The following ZEB1 variants were observed in gnomAD, a reference collection of about 807,000 sequenced individuals.
The protein encoded by ZEB1 is zinc finger E-box-binding homeobox 1.
Under a neutral mutation model 84.9 loss-of-function variants are expected in ZEB1, and 21 were observed. That is an observed-to-expected ratio of 0.25 (90% CI 0.18 to 0.36). ZEB1 has a LOEUF of 0.36. ZEB1 is among the 10% of genes least tolerant of loss of function. ZEB1 has a pLI of 1.00. For synonymous variants in ZEB1, 420 were observed against 471.1 expected, an observed-to-expected ratio of 0.89 and a Z score of 1.41; for missense variants, 1,104 against 1,330.2, an observed-to-expected ratio of 0.83 and a Z score of 2.65.
intron 1 of ZEB1, among the ~76,000 whole-genome samples, chr10:31,447,001 G>C (rs1479636179): frequency 3.3e-5 from 5 of 151,188 alleles, no homozygotes; most frequent in Admixed American, 3.3e-4. Flanking sequence ...TCTGTCTAAT[G>C]TTGACAGTGG....
chr10:31,458,411 A>G (rs998456315), intron 1 of ZEB1, among the ~76,000 whole-genome samples: 1 of 151,458 alleles, frequency 6.6e-6, no homozygotes, highest in Non-Finnish European at 1.5e-5. Flanking sequence ...AAACTCTTAC[A>G]GTCAGGAAAC....
chr10:31,379,474 C>T (rs1276562765), intron 1 of ZEB1, among the ~76,000 whole-genome samples: 1 of 151,650 alleles, frequency 6.6e-6, no homozygotes, highest in Non-Finnish European at 1.5e-5. Context: ...TATATATACA[C>T]ATATATTCTT....
chr10:31,398,361 T>G (rs1411106072), intron 1 of ZEB1, among the ~76,000 whole-genome samples: 1 of 152,138 alleles, frequency 6.6e-6, no homozygotes, highest in African/African-American at 2.4e-5. Flanking sequence ...ATACTATGAT[T>G]CTAAATTTTG....
intron 1 of ZEB1, among the ~76,000 whole-genome samples, chr10:31,447,163 ATG>A (rs767745949): frequency 1.3e-5 from 2 of 151,964 alleles, no homozygotes; most frequent in Non-Finnish European, 2.9e-5. Context: ...CTTTACCATT[ATG>A]TAATGGCCTT....
intron 1 of ZEB1, among the ~76,000 whole-genome samples, chr10:31,348,525 T>C (rs1213347109): frequency 1.3e-5 from 2 of 151,980 alleles, no homozygotes; most frequent in African/African-American, 4.8e-5. Flanking sequence ...GATTGCACCA[T>C]TGCATTCCAG....
At chr10:31,322,652 T>C (rs1363762392) in intron 1 of ZEB1, among the ~76,000 whole-genome samples, 17 of 152,350 alleles carry the variant, frequency 1.1e-4, no homozygotes, top group Admixed American at 3.3e-4. Flanking sequence ...ATTGCTTGAA[T>C]TAGTTTTTAC....
intron 1 of ZEB1, among the ~76,000 whole-genome samples, chr10:31,396,775 C>G (rs2050805300): frequency 6.6e-6 from 1 of 152,098 alleles, no homozygotes; most frequent in Non-Finnish European, 1.5e-5. Context: ...TTTTAGAAAC[C>G]TGATGTGAAA....
intron 1 of ZEB1, among the ~76,000 whole-genome samples, chr10:31,396,661 T>G (rs1025397615): frequency 4.6e-5 from 7 of 152,134 alleles, no homozygotes; most frequent in East Asian, 1.9e-4. Context: ...TACTGAAAAA[T>G]TCACCAGTCA....
In ZEB1 at chr10:31,426,972, TC is replaced by T. The variant is rs2057014097; in HGVS notation, c.59-34064del. Among the ~76,000 whole-genome samples, 5 of 152,180 alleles carry T rather than the reference TC, an allele frequency of 3.3e-5. No individual in the cohort carries two copies. The South Asian group carries it at 1.0e-3, about 32-fold the overall frequency. On this transcript the variant is annotated intron_variant, in intron 1 of 8. Coordinates refer to ENST00000424869, the MANE Select transcript of ZEB1 (RefSeq NM_001174096.2). Reference sequence around the variant, plus strand: ...GAAGACAGCTTTGTAGGAAAAAATTTCTTCTTAAATCATCTTTTTTATCTAA... The same window carrying T: ...GAAGACAGCTTTGTAGGAAAAAATTTTTCTTAAATCATCTTTTTTATCTAA...
intron 8 of ZEB1, among the ~76,000 whole-genome samples, chr10:31,526,095 C>T (rs1424974173): frequency 6.6e-6 from 1 of 152,150 alleles, no homozygotes; most frequent in East Asian, 1.9e-4. Flanking sequence ...ATTGCCCTCA[C>T]GGGCCAAAAC....
intron 1 of ZEB1, among the ~76,000 whole-genome samples, chr10:31,440,429 G>A (rs1052618176): frequency 2.0e-5 from 3 of 152,184 alleles, no homozygotes; most frequent in Non-Finnish European, 2.9e-5. Context: ...AGCTATTTAT[G>A]ACAAATCCAC....
chr10:31,521,498 C>T lies in ZEB1; in HGVS notation c.2166C>T (p.Tyr722=). 6.2e-7 allele frequency: 1 copy of T among 1,614,094 alleles called. No individual in the cohort carries two copies. The highest frequency in any genetic ancestry group is 1.3e-5 in the African/African-American group (1 of 75,028). ...CCAGAAATACACAGGGTTACTTGTA[C>T]ACAGCTGAGGGTGCACAAGAAGAGC... is the stretch of plus-strand genomic sequence containing the variant. ...SSSRNTQGYL[Y]TAEGAQEEPQ... is the part of the protein sequence containing the mutation. The change falls in exon 7 of 9, where the codon TAC becomes TAT. Residue 722 remains tyrosine (Y), a synonymous_variant. Coordinates refer to ENST00000424869, the MANE Select transcript of ZEB1 (RefSeq NM_001174096.2).
At chr10:31,429,138 A>T (rs2057359307) in intron 1 of ZEB1, among the ~76,000 whole-genome samples, 1 of 152,144 alleles carries the variant, frequency 6.6e-6, no homozygotes, top group Admixed American at 6.5e-5. Context: ...AGACTTGTTT[A>T]TGTGGTTGAC....
chr10:31,524,185 G>T, intron 8 of ZEB1, 72 bp downstream of exon 8: 24 of 1,324,356 alleles, frequency 1.8e-5, no homozygotes, highest in Admixed American at 4.1e-5. Flanking sequence ...AAAAACTAAA[G>T]TTTTAGAATT....
At chr10:31,411,298 A>T (rs1176863091) in intron 1 of ZEB1, among the ~76,000 whole-genome samples, 1 of 152,154 alleles carries the variant, frequency 6.6e-6, no homozygotes, top group African/African-American at 2.4e-5. Flanking sequence ...AGAAAAAAAT[A>T]AGTTCTTTGA....
Position 31,527,446 on chromosome 10 carries a change from C to CACACACACAA in ZEB1, c.*189_*190insCAAACACACA. ...ACACACACACACACACACACACACA[C>CACACACACAA]ACACACAAAATAAATCCGGGTGTGC... On this transcript the variant is annotated 3_prime_UTR_variant, in exon 9 of 9. Coordinates refer to ENST00000424869, the MANE Select transcript of ZEB1 (RefSeq NM_001174096.2). The CACACACACAA allele has an allele frequency of 1.4e-6, 1 of 725,002 alleles. No homozygotes were observed. The highest frequency in any genetic ancestry group is 2.8e-5 in the East Asian group (1 of 35,758). The allele number at this position is 725,002 out of a possible 1,614,324, so 44.9% of individuals were successfully genotyped here.
chr10:31,459,205 T>C (rs969885355), intron 1 of ZEB1, among the ~76,000 whole-genome samples: 6 of 152,260 alleles, frequency 3.9e-5, no homozygotes, highest in African/African-American at 1.4e-4. Flanking sequence ...AGTCAGGGAC[T>C]GTCTGTACTG....
chr10:31,413,047 C>CA (rs1483048562), intron 1 of ZEB1, among the ~76,000 whole-genome samples: 43 of 152,090 alleles, frequency 2.8e-4, no homozygotes, highest in African/African-American at 1.0e-3. Flanking sequence ...TATCTTAATC[C>CA]AAAATCACAA....
chr10:31,373,195 G>T, intron 1 of ZEB1: 7 of 631,856 alleles, frequency 1.1e-5, no homozygotes, highest in African/African-American at 2.9e-5. Flanking sequence ...CATTTAAATT[G>T]TGTGTGTGTG....
Sources: allele counts gnomAD v4.1 joint callset (sites outside exome capture counted in the v4.1 genomes callset), GRCh38; gene constraint gnomAD v4.1.1; transcripts MANE v1.5; gene names NCBI Gene and HGNC (gene_info 2026-07-23, HGNC 2026-07-21).